Variants in GBA2 observed in about 807,000 individuals in gnomAD.
GBA2 encodes non-lysosomal glucosylceramidase.
Under a neutral mutation model 112.9 loss-of-function variants are expected in GBA2, and 79 were observed. The ratio of observed to expected loss-of-function variants is 0.70; its 90% CI spans 0.58 to 0.84. GBA2 has a LOEUF of 0.84. Among genes scored for constraint, GBA2 ranks in the 40% least tolerant of loss-of-function variants. GBA2 has a pLI of 0.00. For synonymous variants in GBA2, 403 were observed against 434.3 expected, an observed-to-expected ratio of 0.93 and a Z score of 0.90; for missense variants, 1,043 against 1,190.0, an observed-to-expected ratio of 0.88 and a Z score of 1.82.
rs1178990807 is a variant in GBA2, at chr9:35,744,674, A to C, written c.392T>G (p.Val131Gly). The C allele has an allele frequency of 1.9e-6, 3 of 1,609,846 alleles. No individual in the cohort carries two copies. ...YLQWWYRKTH[V>G]EKKTPFIDMI... Reference sequence around the variant, plus strand: ...GTCGATGAAAGGTGTCTTCTTTTCCACATGGGTCTTCCGGTACCACCACTG... The same window carrying C: ...GTCGATGAAAGGTGTCTTCTTTTCCCCATGGGTCTTCCGGTACCACCACTG... Residue 131 changes from valine to glycine, a missense_variant, in exon 2 of 17, where the codon GTG (valine) becomes GGG (glycine). By Grantham distance (109) the Val-to-Gly change is moderately radical (BLOSUM62 -3). Coordinates refer to ENST00000378103, the MANE Select transcript of GBA2 (RefSeq NM_020944.3).
At position 35,740,927 on chromosome 9, in the gene GBA2, C is replaced by T. The variant is rs755058119; in HGVS notation, c.924G>A (p.Glu308=). The T allele has an allele frequency of 1.9e-6, 3 of 1,614,060 alleles. No homozygotes were observed. The African/African-American group carries it at 4.0e-5, about 22-fold the overall frequency. The change falls in exon 5 of 17, where the codon GAG becomes GAA. Residue 308 remains glutamate, a synonymous_variant. Transcript: ENST00000378103. This position sits in a 1 kb window ranked among gnomAD's most constrained non-coding sequence, Gnocchi z 4.7. ...CCCCGCTACGCTCCAGACAGAAGGGCTCATTCCACAAACCCCCTGGGGCAT... is the reference window on the plus strand; with the variant it reads ...CCCCGCTACGCTCCAGACAGAAGGGTTCATTCCACAAACCCCCTGGGGCAT... ...GDDAPGGLWN[E]PFCLERSGET... is the part of the protein sequence containing the mutation.
chr9:35,747,306 C>A lies in GBA2; in HGVS notation c.359+1040G>T, dbSNP rs1304103335. The stretch of plus-strand genomic sequence containing the variant: ...GCAACTCAGTGTACTTCTCTATGTA[C>A]ACTAGATCCTATTTTGATGCAAAAA... On this transcript the variant is annotated intron_variant, in intron 1 of 16. Coordinates refer to ENST00000378103, the MANE Select transcript of GBA2 (RefSeq NM_020944.3). Among the ~76,000 whole-genome samples the A allele has an allele frequency of 2.6e-5, 4 of 152,236 alleles. No homozygotes were observed. The South Asian group carries it at 8.3e-4, about 32-fold the overall frequency.
chr9:35,739,556 C>A, intron 9 of GBA2, 72 bp downstream of exon 9: 1 of 1,455,414 alleles, frequency 6.9e-7, no homozygotes, highest in South Asian at 1.2e-5. Context: ...TAACCAATAC[C>A]CTGGGGTAGG....
Position 35,737,795 on chromosome 9 carries a change from C to T in GBA2, c.2458G>A (p.Val820Ile), listed in dbSNP as rs1473732069. ...AGCCCGTAGACCACACCCACCCAGA[C>T]TTCATCAGACTGCACACTGGATTTA... ...PDKSSVQSDE[V>I]WVGVVYGLAA... Residue 820 changes from valine (V) to isoleucine (I), a missense_variant, in exon 16 of 17, where the codon GTC becomes ATC. Physicochemically the swap from Val to Ile is conservative, Grantham distance 29. Transcript: ENST00000378103. This position sits in a 1 kb window ranked among gnomAD's most constrained non-coding sequence, Gnocchi z 4.1. 6.2e-7 allele frequency: 1 copy of T among 1,613,942 alleles called. No individual in the cohort carries two copies. Among genetic ancestry groups the T allele is most frequent in the African/African-American group, 1.3e-5 (1 of 74,868 alleles).
In GBA2 at chr9:35,744,281, A is replaced by G; in HGVS notation, c.567+16T>C. On this transcript the variant is annotated intron_variant, in intron 3 of 16. Transcript: ENST00000378103. Reference sequence around the variant, plus strand: ...GGGGAGGTATTGTCCTGGCCTCTCCACCTCCTGGCTCTTACTTGGTCAGCG... The same window carrying G: ...GGGGAGGTATTGTCCTGGCCTCTCCGCCTCCTGGCTCTTACTTGGTCAGCG... 2.0e-6 allele frequency: 3 copies of G among 1,467,726 alleles called. No homozygotes were observed. Among genetic ancestry groups the G allele is most frequent in the Non-Finnish European group, 2.9e-6 (3 of 1,046,742 alleles). The allele number at this position is 1,467,726 out of a possible 1,614,324, so 90.9% of individuals were successfully genotyped here. A position where few individuals can be genotyped will look rare whatever the true frequency, so the allele number is the denominator to read the frequency against.
rs776241385 is a variant in GBA2 at position 35,737,692 on chromosome 9, G to A, written c.2505+56C>T. 3.1e-6 allele frequency: 5 copies of A among 1,610,860 alleles called. No individual in the cohort carries two copies. In the African/African-American group the frequency reaches 6.7e-5, roughly 22 times the overall value. ...GCCTTGAAGAAATTTGGTGGTTGAG[G>A]AAGTTTTCTGGGCCAGGATACAGAT... On this transcript the variant is annotated intron_variant, in intron 16 of 16. Transcript: ENST00000378103. The surrounding 1 kb of genome is among the most constrained non-coding windows in gnomAD (Gnocchi z 4.1).
Position 35,738,776 on chromosome 9 carries a change from C to T in GBA2, c.1923G>A (p.Leu641=), listed in dbSNP as rs770276704. 1.2e-6 allele frequency: 2 copies of T among 1,614,220 alleles called. No homozygotes were observed. Among genetic ancestry groups the T allele is most frequent in the South Asian group, 1.1e-5 (1 of 91,088 alleles). ...CTAGACACACAGGCCACATGTCCTT[C>T]AGGAAGTTTTGATCACCCGTGAGGT... The part of the protein sequence containing the change: ...DYYLTGDQNF[L]KDMWPVCLAV... Residue 641 remains leucine (L), a synonymous_variant, in exon 12 of 17, where the codon CTG becomes CTA. Coordinates refer to ENST00000378103, the MANE Select transcript of GBA2 (RefSeq NM_020944.3).
At chr9:35,744,592 A>C in intron 2 of GBA2, 23 bp downstream of exon 2, 1 of 1,411,654 alleles carries the variant, frequency 7.1e-7, no homozygotes, top group Non-Finnish European at 1.0e-6. Flanking sequence ...CTCTGAGCAG[A>C]GCAGAGATGG....
rs371346957 is a variant in GBA2 at position 35,739,361 on chromosome 9, G to A, written c.1641C>T (p.Leu547=). 3 of 1,613,758 alleles carry A rather than the reference G, an allele frequency of 1.9e-6. No homozygotes were observed. Among genetic ancestry groups the A allele is most frequent in the South Asian group, 2.2e-5 (2 of 91,082 alleles). The change falls in exon 10 of 17, where the codon CTC becomes CTT. Residue 547 remains leucine, a synonymous_variant. Transcript: ENST00000378103. The part of the protein sequence containing the change: ...YDVHFYASFA[L]IMLWPKLELS... The stretch of plus-strand genomic sequence containing the variant: ...GCTCAAGTTTGGGCCAGAGCATGAT[G>A]AGGGCAAAGGAAGCATAAAAGTGGA...
chr9:35,737,040 T>A lies in GBA2; in HGVS notation c.*129A>T. On this transcript the variant is annotated 3_prime_UTR_variant, in exon 17 of 17. Transcript: ENST00000378103. This position sits in a 1 kb window ranked among gnomAD's most constrained non-coding sequence, Gnocchi z 4.1. ...CCTCAACCCCCATTTACTGGCACAA[T>A]TGGGTGGAGAGAAGGGAAGGGGTAT... The A allele has an allele frequency of 7.2e-7, 1 of 1,397,210 alleles. No homozygotes were observed. Among genetic ancestry groups the A allele is most frequent in the Non-Finnish European group, 9.6e-7 (1 of 1,043,042 alleles). 86.6% of individuals were successfully genotyped at this position (1,397,210 alleles called of 1,614,324 possible). A position where few individuals can be genotyped will look rare whatever the true frequency, so the allele number is the denominator to read the frequency against.
At position 35,740,774 on chromosome 9, in the gene GBA2, G is replaced by A. The variant is rs745878555; in HGVS notation, c.1026+51C>T. The A allele has an allele frequency of 2.5e-6, 4 of 1,602,980 alleles. No homozygotes were observed. In the Admixed American group the frequency reaches 6.7e-5, roughly 27 times the overall value. On this transcript the variant is annotated intron_variant, in intron 5 of 16. Transcript: ENST00000378103. This position sits in a 1 kb window ranked among gnomAD's most constrained non-coding sequence, Gnocchi z 4.7. ...GAGGGTGGATGAAGAGACCATGCTG[G>A]GGTGGAGGTGGGGTTCAGGGGCTAA...
In GBA2 at chr9:35,737,814, G is replaced by A. The variant is rs769425692; in HGVS notation, c.2439C>T (p.Ser813=). The part of the protein sequence containing the change: ...GMQPHGVPDK[S]SVQSDEVWVG... ...CCCAGACTTCATCAGACTGCACACT[G>A]GATTTATCAGGGACACCATGGGGCT... Residue 813 remains serine, a synonymous_variant, in exon 16 of 17, where the codon TCC becomes TCT. Transcript: ENST00000378103. The surrounding 1 kb of genome is among the most constrained non-coding windows in gnomAD (Gnocchi z 4.1). 6.2e-7 allele frequency: 1 copy of A among 1,614,016 alleles called. No homozygotes were observed. Among genetic ancestry groups the A allele is most frequent in the Admixed American group, 1.7e-5 (1 of 60,014 alleles).
In GBA2 at chr9:35,748,810, C is replaced by G; in HGVS notation, c.-106G>C. The stretch of plus-strand genomic sequence containing the variant: ...TTAGGTATCGTCCCGGAGGGCCGGG[C>G]GTTGGGGAAAGCTTAAATGAGCTGG... On this transcript the variant is annotated 5_prime_UTR_variant, in exon 1 of 17. Coordinates refer to ENST00000378103, the MANE Select transcript of GBA2 (RefSeq NM_020944.3). 1.4e-6 allele frequency: 1 copy of G among 692,694 alleles called. No homozygotes were observed. Among genetic ancestry groups the G allele is most frequent in the Non-Finnish European group, 2.5e-6 (1 of 407,548 alleles). The allele number at this position is 692,694 out of a possible 1,614,324, so 42.9% of individuals were successfully genotyped here. A position where few individuals can be genotyped will look rare whatever the true frequency, so the allele number is the denominator to read the frequency against.
At position 35,748,425 on chromosome 9, in the gene GBA2, A is replaced by C. The variant is rs1588030364; in HGVS notation, c.280T>G (p.Phe94Val). The C allele has an allele frequency of 6.2e-7, 1 of 1,613,996 alleles. No homozygotes were observed. Among genetic ancestry groups the C allele is most frequent in the Non-Finnish European group, 8.5e-7 (1 of 1,179,980 alleles). Reference sequence around the variant, plus strand: ...TGAAAGGGTTTCCTCTTCTCTGTAAACTCATGAGCCAGACAGATGCGCCAG... The same window carrying C: ...TGAAAGGGTTTCCTCTTCTCTGTAACCTCATGAGCCAGACAGATGCGCCAG... ...FGWRICLAHE[F>V]TEKRKPFQAN... The change falls in exon 1 of 17, where the codon TTT (phenylalanine) becomes GTT (valine). Residue 94 changes from phenylalanine to valine, a missense_variant. Phe to Val is a conservative substitution (Grantham distance 50, BLOSUM62 -1). Transcript: ENST00000378103.
chr9:35,748,867 A>G lies in GBA2; in HGVS notation c.-163T>C, dbSNP rs553051188. 13 of 565,280 alleles carry G rather than the reference A, an allele frequency of 2.3e-5. No homozygotes were observed. Among genetic ancestry groups the G allele is most frequent in the African/African-American group, 1.7e-4 (9 of 53,282 alleles). 35.0% of individuals were successfully genotyped at this position (565,280 alleles called of 1,614,324 possible). On this transcript the variant is annotated 5_prime_UTR_variant, in exon 1 of 17. Coordinates refer to ENST00000378103, the MANE Select transcript of GBA2 (RefSeq NM_020944.3). ...AGTGGAGCCGGGGAGCTCTTGCTTC[A>G]GTGGGGGCGGCGACAGCAAAGAAGC... is the stretch of plus-strand genomic sequence containing the variant.
chr9:35,740,270 A>G lies in GBA2; in HGVS notation c.1222T>C (p.Phe408Leu). 1.2e-6 allele frequency: 2 copies of G among 1,613,624 alleles called. No homozygotes were observed. Among genetic ancestry groups the G allele is most frequent in the Non-Finnish European group, 1.7e-6 (2 of 1,179,910 alleles). Residue 408 changes from phenylalanine to leucine, a missense_variant, in exon 7 of 17, where the codon TTT becomes CTT. Physicochemically the swap from Phe to Leu is conservative, Grantham distance 22. Coordinates refer to ENST00000378103, the MANE Select transcript of GBA2 (RefSeq NM_020944.3). This position sits in a 1 kb window ranked among gnomAD's most constrained non-coding sequence, Gnocchi z 4.7. ...LRPRGQCRLE[F>L]SLAWDMPRIM... ...CTGGGCATGTCCCAAGCCAGTGAAA[A>G]CTCCAGGCGGCACTGGCCTCGAGGT...
Position 35,746,131 on chromosome 9 carries a change from A to G in GBA2, c.360-1425T>C, listed in dbSNP as rs1826956199. Among the ~76,000 whole-genome samples, 1 of 152,254 alleles carries G rather than the reference A, an allele frequency of 6.6e-6. No homozygotes were observed. The highest frequency in any genetic ancestry group is 2.1e-4 in the South Asian group (1 of 4,834). ...TTTAAGTTCCTTGGGGAAAGGGACAATGACAAAGACTAGCTGAATATTACC... is the reference window on the plus strand; with the variant it reads ...TTTAAGTTCCTTGGGGAAAGGGACAGTGACAAAGACTAGCTGAATATTACC... On this transcript the variant is annotated intron_variant, in intron 1 of 16. Coordinates refer to ENST00000378103, the MANE Select transcript of GBA2 (RefSeq NM_020944.3). The surrounding 1 kb of genome is among the most constrained non-coding windows in gnomAD (Gnocchi z 5.2).
At position 35,737,113 on chromosome 9, in the gene GBA2, G is replaced by T; in HGVS notation, c.*56C>A. The T allele has an allele frequency of 6.4e-7, 1 of 1,561,996 alleles. No individual in the cohort carries two copies. The highest frequency in any genetic ancestry group is 8.6e-7 in the Non-Finnish European group (1 of 1,159,358). ...TGCAGGAGGTTCAGAGGGGAAGGAG[G>T]AAAGGCCAGGCTGGAGGCTGGGCTG... On this transcript the variant is annotated 3_prime_UTR_variant, in exon 17 of 17. Coordinates refer to ENST00000378103, the MANE Select transcript of GBA2 (RefSeq NM_020944.3). This position sits in a 1 kb window ranked among gnomAD's most constrained non-coding sequence, Gnocchi z 4.1.
At chr9:35,745,850 CCTA>C (rs1226352104) in intron 1 of GBA2, among the ~76,000 whole-genome samples, 1 of 152,202 alleles carries the variant, frequency 6.6e-6, no homozygotes, top group Non-Finnish European at 1.5e-5. Flanking sequence ...CCACATTATG[CCTA>C]CTGTTCAGTC....
Sources: allele counts gnomAD v4.1 joint callset (sites outside exome capture counted in the v4.1 genomes callset), GRCh38; gene constraint gnomAD v4.1.1; non-coding constraint Gnocchi (gnomAD v3.1); transcripts MANE v1.5; gene names NCBI Gene and HGNC (gene_info 2026-07-23, HGNC 2026-07-21).